The following TRPC4 variants were observed in gnomAD, a reference collection of about 807,000 sequenced individuals.
The protein encoded by TRPC4 is transient receptor potential cation channel subfamily C member 4, also known as short transient receptor potential channel 4.
TRPC4 carries 49 observed loss-of-function variants against 99.4 expected under a neutral mutation model. The observed-to-expected ratio is 0.49, with a 90% confidence interval of 0.39 to 0.63. The LOEUF (loss-of-function observed/expected upper bound fraction) is 0.63, where lower values mean the gene tolerates loss of function less well. Ranked by LOEUF, TRPC4 falls within the 20% of genes least tolerant of loss-of-function variation. The pLI, the probability that TRPC4 is intolerant of heterozygous loss-of-function variation, is 0.00. For synonymous variants in TRPC4, 454 were observed against 425.9 expected (o/e 1.07, Z -0.81); for missense variants, 898 against 1,152.9 (o/e 0.78, Z 3.20).
chr13:37,853,213 C>T (rs1959102010), intron 1 of TRPC4, among the ~76,000 whole-genome samples: 1 of 152,166 alleles, frequency 6.6e-6, no homozygotes, highest in African/African-American at 2.4e-5. Flanking sequence ...CACAGAAGTG[C>T]CTGCATAACC....
At chr13:37,644,019 G>C (rs1566063201) in intron 8 of TRPC4, among the ~76,000 whole-genome samples, 1 of 152,030 alleles carries the variant, frequency 6.6e-6, no homozygotes, top group Non-Finnish European at 1.5e-5. Context: ...TCCAAATAAG[G>C]TCACAATCTA....
At chr13:37,712,714 C>T (rs1031442534) in intron 3 of TRPC4, among the ~76,000 whole-genome samples, 2 of 152,068 alleles carry the variant, frequency 1.3e-5, no homozygotes, top group African/African-American at 2.4e-5. Flanking sequence ...GCCAAAGGAG[C>T]TTTGTAAAAC....
intron 2 of TRPC4, among the ~76,000 whole-genome samples, chr13:37,773,569 T>C (rs1956616421): frequency 6.6e-6 from 1 of 151,788 alleles, no homozygotes; most frequent in African/African-American, 2.4e-5. Flanking sequence ...AGTACCCACA[T>C]GGTGCTGGAG....
At chr13:37,854,701 G>A (rs1433534181) in intron 1 of TRPC4, among the ~76,000 whole-genome samples, 1 of 151,952 alleles carries the variant, frequency 6.6e-6, no homozygotes, top group Non-Finnish European at 1.5e-5. Context: ...CAGATTATAA[G>A]ATAATATTTG....
chr13:37,805,219 C>T (rs1957501217), intron 1 of TRPC4, among the ~76,000 whole-genome samples: 1 of 151,884 alleles, frequency 6.6e-6, no homozygotes. Flanking sequence ...TTCTGTTTTA[C>T]AGGCAGTATC....
At chr13:37,797,903 G>A (rs981029901) in intron 1 of TRPC4, among the ~76,000 whole-genome samples, 1 of 152,090 alleles carries the variant, frequency 6.6e-6, no homozygotes, top group Non-Finnish European at 1.5e-5. Flanking sequence ...CTATGACATT[G>A]TGATCATTTT....
At chr13:37,765,701 A>G (rs1431896370) in intron 2 of TRPC4, among the ~76,000 whole-genome samples, 3 of 151,430 alleles carry the variant, frequency 2.0e-5, no homozygotes, top group Non-Finnish European at 3.0e-5. Flanking sequence ...TGCTTTCCAA[A>G]AGGATTCAGT....
chr13:37,845,750 T>C (rs1211476734), intron 1 of TRPC4, among the ~76,000 whole-genome samples: 1 of 152,004 alleles, frequency 6.6e-6, no homozygotes, highest in Non-Finnish European at 1.5e-5. Context: ...GAAAGCATAT[T>C]TGAGAAAATA....
intron 1 of TRPC4, among the ~76,000 whole-genome samples, chr13:37,849,122 G>A (rs1593314268): frequency 1.3e-5 from 2 of 152,054 alleles, no homozygotes; most frequent in South Asian, 2.1e-4. Flanking sequence ...AAGGAGGCTG[G>A]GTATGCATCC....
At chr13:37,796,870 A>G (rs986849227) in intron 1 of TRPC4, among the ~76,000 whole-genome samples, 1 of 149,320 alleles carries the variant, frequency 6.7e-6, no homozygotes, top group Non-Finnish European at 1.5e-5. Context: ...AGGCAATAGG[A>G]TTCCTTGAGC....
intron 7 of TRPC4, among the ~76,000 whole-genome samples, chr13:37,654,810 G>T (rs1952170802): frequency 6.6e-6 from 1 of 152,096 alleles, no homozygotes; most frequent in South Asian, 2.1e-4. Flanking sequence ...TTGTTTATTA[G>T]TCAGACCTCA....
At chr13:37,696,177 A>G (rs1953898277) in intron 3 of TRPC4, among the ~76,000 whole-genome samples, 1 of 152,092 alleles carries the variant, frequency 6.6e-6, no homozygotes, top group Admixed American at 6.5e-5. Context: ...TAAAACCATC[A>G]GATCTCATGA....
intron 10 of TRPC4, among the ~76,000 whole-genome samples, chr13:37,638,006 A>AT (rs1429070342): frequency 6.6e-6 from 1 of 152,048 alleles, no homozygotes; most frequent in Non-Finnish European, 1.5e-5. Context: ...ATATTGGCCC[A>AT]TTTTTCTGTC....
intron 5 of TRPC4, among the ~76,000 whole-genome samples, chr13:37,671,455 G>C (rs1952837215): frequency 6.6e-6 from 1 of 151,854 alleles, no homozygotes; most frequent in Non-Finnish European, 1.5e-5. Flanking sequence ...AGGCAAGTGT[G>C]GACCTAGAGC....
chr13:37,868,005 T>G (rs1156803627), intron 1 of TRPC4, among the ~76,000 whole-genome samples: 3 of 152,132 alleles, frequency 2.0e-5, no homozygotes, highest in African/African-American at 7.2e-5. Flanking sequence ...TTCTGTTATT[T>G]CCTATTAATA....
At chr13:37,833,966 T>C (rs1958492148) in intron 1 of TRPC4, among the ~76,000 whole-genome samples, 1 of 152,226 alleles carries the variant, frequency 6.6e-6, no homozygotes, top group Non-Finnish European at 1.5e-5. Flanking sequence ...TATACTTGCA[T>C]TTTCTATAAC....
At chr13:37,760,789 A>G (rs1455514011) in intron 2 of TRPC4, among the ~76,000 whole-genome samples, 2 of 151,886 alleles carry the variant, frequency 1.3e-5, no homozygotes, top group African/African-American at 4.8e-5. Context: ...TCTTCTTCCA[A>G]TGTGGTCAAA....
At chr13:37,711,565 T>G (rs1175831664) in intron 3 of TRPC4, among the ~76,000 whole-genome samples, 1 of 152,070 alleles carries the variant, frequency 6.6e-6, no homozygotes, top group Non-Finnish European at 1.5e-5. Flanking sequence ...TGAAGTTCAC[T>G]TTAATTATTT....
At chr13:37,739,728 A>T (rs1479317718) in intron 3 of TRPC4, among the ~76,000 whole-genome samples, 2 of 150,274 alleles carry the variant, frequency 1.3e-5, no homozygotes, top group Non-Finnish European at 3.0e-5. Context: ...CTGCTCTCAA[A>T]CTCCTGACCT....
Sources: gnomAD v4.1 joint callset for allele counts (sites outside exome capture counted in the v4.1 genomes callset) on GRCh38, gnomAD v4.1.1 for gene constraint, MANE v1.5 for transcripts, NCBI Gene and HGNC (gene_info 2026-07-23, HGNC 2026-07-21) for gene names.